The following TFEC variants were observed in gnomAD, a reference collection of about 807,000 sequenced individuals.
TFEC encodes class E basic helix-loop-helix protein 34.
TFEC carries 31 observed loss-of-function variants against 41.6 expected under a neutral mutation model. That is an observed-to-expected ratio of 0.74 (90% CI 0.56 to 1.01). TFEC has a LOEUF of 1.01. Ranked by LOEUF, TFEC falls within the 50% of genes least tolerant of loss-of-function variation. The pLI is 0.00. For synonymous variants in TFEC, 143 were observed against 140.6 expected (o/e 1.02, Z -0.12); for missense variants, 402 against 404.1 (o/e 0.99, Z 0.04).
intron 1 of TFEC, among the ~76,000 whole-genome samples, chr7:116,141,770 C>T (rs1370785485): frequency 6.6e-6 from 1 of 152,042 alleles, no homozygotes; most frequent in African/African-American, 2.4e-5. Flanking sequence ...TTAGGGAGGG[C>T]TCAAAGAAGG....
intron 1 of TFEC, among the ~76,000 whole-genome samples, chr7:116,010,764 T>C (rs368608411): frequency 6.6e-6 from 1 of 152,132 alleles, no homozygotes; most frequent in Admixed American, 6.6e-5. Context: ...TTCCCCCTTC[T>C]CCTTATTGAA....
At chr7:116,130,045 AAC>A (rs56872188) in intron 1 of TFEC, among the ~76,000 whole-genome samples, 17,192 of 141,980 alleles carry the variant, frequency 0.12, 1,040 homozygotes, top group East Asian at 0.2. Flanking sequence ...AACATGCAAG[AAC>A]ACACACACAC....
At chr7:116,023,649 G>C (rs1001094711) in intron 1 of TFEC, among the ~76,000 whole-genome samples, 1 of 152,114 alleles carries the variant, frequency 6.6e-6, no homozygotes, top group Non-Finnish European at 1.5e-5. Flanking sequence ...CCCTAGGTCA[G>C]TTCATCTCTC....
At chr7:115,993,981 C>T (rs552593181) in intron 1 of TFEC, among the ~76,000 whole-genome samples, 1 of 152,176 alleles carries the variant, frequency 6.6e-6, no homozygotes, top group Non-Finnish European at 1.5e-5. Flanking sequence ...GTAACCAAAA[C>T]AGCATGGTAC....
chr7:116,032,867 C>T (rs938142255), upstream of TFEC, among the ~76,000 whole-genome samples: 2 of 151,904 alleles, frequency 1.3e-5, no homozygotes, highest in South Asian at 2.1e-4. Flanking sequence ...TCATGCATGT[C>T]GTTTCTAATA....
At chr7:116,134,840 A>G (rs1454753479) in intron 1 of TFEC, among the ~76,000 whole-genome samples, 1 of 152,132 alleles carries the variant, frequency 6.6e-6, no homozygotes, top group East Asian at 1.9e-4. Context: ...TAATGTTATA[A>G]TACTGGCCTT....
rs185580619 is a variant in TFEC at position 116,054,041 on chromosome 7, C to G, written c.198+56667G>C. Among the ~76,000 whole-genome samples, 40 of 152,226 alleles carry G rather than the reference C, an allele frequency of 2.6e-4. No individual in the cohort carries two copies. In the East Asian group the frequency reaches 7.4e-3, roughly 28 times the overall value. ...TTTGATAACTTATTGGAGTTTACAG[C>G]TAGTAGAAGGTGAAGGCAGGGAAAT... On this transcript the variant is annotated intron_variant, in intron 3 of 8. Coordinates refer to the TFEC transcript ENST00000484212.
chr7:115,973,873 T>C (rs921650032), intron 3 of TFEC, among the ~76,000 whole-genome samples: 1 of 152,028 alleles, frequency 6.6e-6, no homozygotes, highest in Non-Finnish European at 1.5e-5. Flanking sequence ...GTGCTTAAAA[T>C]AGAAAATCTA....
At chr7:116,135,974 C>T (rs1242855511) in intron 1 of TFEC, among the ~76,000 whole-genome samples, 1 of 152,014 alleles carries the variant, frequency 6.6e-6, no homozygotes, top group African/African-American at 2.4e-5. Flanking sequence ...AAGACTAGTT[C>T]CTCACAGTGA....
chr7:116,062,560 C>CAG (rs1554411810), intron 3 of TFEC, among the ~76,000 whole-genome samples: 2 of 101,684 alleles, frequency 2.0e-5, no homozygotes, highest in Non-Finnish European at 4.0e-5. Context: ...GAGTAGTACT[C>CAG]ATATATATAT....
intron 1 of TFEC, among the ~76,000 whole-genome samples, chr7:116,006,120 T>A (rs941737898): frequency 3.3e-5 from 5 of 152,176 alleles, no homozygotes; most frequent in African/African-American, 9.6e-5. Flanking sequence ...ATAGAGAACC[T>A]CTGCTAGGGC....
chr7:116,050,753 T>A (rs1432192377), intron 3 of TFEC, among the ~76,000 whole-genome samples: 1 of 152,196 alleles, frequency 6.6e-6, no homozygotes, highest in Non-Finnish European at 1.5e-5. Flanking sequence ...TCCTCAAGGA[T>A]CTAGAACTAG....
intron 3 of TFEC, among the ~76,000 whole-genome samples, chr7:116,063,250 CAG>C (rs1796612035): frequency 1.3e-5 from 2 of 152,050 alleles, no homozygotes; most frequent in Admixed American, 1.3e-4. Flanking sequence ...ACAGAAAGAT[CAG>C]AGATTGCCTG....
intron 6 of TFEC, among the ~76,000 whole-genome samples, chr7:115,946,597 CTTTCTTTCTTT>C (rs1417083539): frequency 1.5e-5 from 2 of 137,218 alleles, no homozygotes; most frequent in Non-Finnish European, 3.2e-5. Context: ...TTCCTTCTTT[CTTTCTTTCTTT>C]TTTCTTTCTT....
intron 3 of TFEC, among the ~76,000 whole-genome samples, chr7:116,069,527 C>T (rs1796775899): frequency 6.6e-6 from 1 of 151,634 alleles, no homozygotes; most frequent in Non-Finnish European, 1.5e-5. Flanking sequence ...AGATGAAACA[C>T]TATTAATGAA....
At chr7:116,139,017 CAG>C (rs1473894398) in intron 1 of TFEC, among the ~76,000 whole-genome samples, 3 of 152,062 alleles carry the variant, frequency 2.0e-5, no homozygotes, top group Admixed American at 2.0e-4. Context: ...GCCCATATTA[CAG>C]GAGGCTTCTA....
chr7:116,074,185 T>C (rs565931151), intron 3 of TFEC, among the ~76,000 whole-genome samples: 108 of 104,060 alleles, frequency 1.0e-3, no homozygotes, highest in African/African-American at 5.0e-3. Context: ...ATATTATACA[T>C]TATATATTTT....
exon 3 of TFEC, chr7:116,110,778 T>C: frequency 6.5e-7 from 1 of 1,547,086 alleles, no homozygotes; most frequent in Non-Finnish European, 8.7e-7. Context: ...CAACACTGGT[T>C]TGTATGAAAA....
intron 1 of TFEC, among the ~76,000 whole-genome samples, chr7:116,115,665 T>C (rs1278281024): frequency 6.6e-6 from 1 of 152,018 alleles, no homozygotes; most frequent in East Asian, 1.9e-4. Flanking sequence ...TGCAAGTTTC[T>C]TTTGCCATGT....
Sources: allele counts gnomAD v4.1 joint callset (sites outside exome capture counted in the v4.1 genomes callset), GRCh38; gene constraint gnomAD v4.1.1; transcripts MANE v1.5; gene names NCBI Gene and HGNC (gene_info 2026-07-23, HGNC 2026-07-21).